The following FAM222B variants were observed in gnomAD, a reference collection of about 807,000 sequenced individuals.
FAM222B encodes the protein protein FAM222B.
In FAM222B, 12 loss-of-function variants were observed where a neutral mutation model predicts 38.0. The ratio of observed to expected loss-of-function variants is 0.32; its 90% CI spans 0.20 to 0.51. The LOEUF (loss-of-function observed/expected upper bound fraction) is 0.51. Among genes scored for constraint, FAM222B ranks in the 20% least tolerant of loss-of-function variants. The probability of loss-of-function intolerance (pLI) is 0.97; values close to 1 mark genes in which losing one functional copy is unlikely to be tolerated. For synonymous variants in FAM222B, 329 were observed against 317.2 expected (o/e 1.04, Z -0.40); for missense variants, 716 against 754.2 (o/e 0.95, Z 0.59).
chr17:28,793,145 A>G (rs1423893135), intron 1 of FAM222B, among the ~76,000 whole-genome samples: 1 of 152,068 alleles, frequency 6.6e-6, no homozygotes, highest in East Asian at 1.9e-4. Context: ...TATGTTGCCC[A>G]GGCTGGTCTT....
intron 1 of FAM222B, chr17:28,849,687 AAAG>A (rs1460652904): frequency 1.3e-5 from 2 of 152,092 alleles, no homozygotes; most frequent in African/African-American, 2.4e-5. Context: ...TTTCTACATT[AAAG>A]AAGAAGAAAA....
chr17:28,831,504 CTTTTTTTTTTTT>C (rs35692613), intron 1 of FAM222B, among the ~76,000 whole-genome samples: 1 of 110,882 alleles, frequency 9.0e-6, no homozygotes, highest in African/African-American at 3.4e-5. Flanking sequence ...TTGTCAAAGG[CTTTTTTTTTTTT>C]TTTTTTTTGA....
chr17:28,781,491 T>C (rs2036167385), intron 1 of FAM222B, among the ~76,000 whole-genome samples: 1 of 151,952 alleles, frequency 6.6e-6, no homozygotes, highest in South Asian at 2.1e-4. Flanking sequence ...CTCACAAAAC[T>C]GGAAACAGAA....
At chr17:28,837,683 C>T (rs1381540120) in intron 1 of FAM222B, among the ~76,000 whole-genome samples, 2 of 150,008 alleles carry the variant, frequency 1.3e-5, no homozygotes, top group South Asian at 4.2e-4. Flanking sequence ...GAGTCTCGCT[C>T]GCTGTTTCGC....
chr17:28,772,320 CATCTATTAAATCCTG>C (rs2035672252), intron 1 of FAM222B, among the ~76,000 whole-genome samples: 3 of 152,050 alleles, frequency 2.0e-5, no homozygotes, highest in Admixed American at 6.6e-5. Context: ...TGCAATCTCA[CATCTATTAAATCCTG>C]ATACCTGCAA....
intron 1 of FAM222B, among the ~76,000 whole-genome samples, chr17:28,829,540 T>TC (rs1221747444): frequency 6.6e-6 from 1 of 152,308 alleles, no homozygotes; most frequent in East Asian, 1.9e-4. Context: ...AGTTGAGTTT[T>TC]CCCCAGAACA....
intron 1 of FAM222B, among the ~76,000 whole-genome samples, chr17:28,823,517 C>A (rs1435903446): frequency 1.3e-5 from 2 of 152,162 alleles, no homozygotes; most frequent in Non-Finnish European, 2.9e-5. Context: ...ATACCTGGGA[C>A]TGCCATAGGC....
intron 1 of FAM222B, among the ~76,000 whole-genome samples, chr17:28,853,193 CAA>C (rs71359260): frequency 0.24 from 26,647 of 111,970 alleles, 2,526 homozygotes; most frequent in South Asian, 0.34. Context: ...AACTCTGTCT[CAA>C]AAAAAAAAAA....
At chr17:28,797,238 T>G (rs2036985254) in intron 1 of FAM222B, among the ~76,000 whole-genome samples, 1 of 151,996 alleles carries the variant, frequency 6.6e-6, no homozygotes, top group Non-Finnish European at 1.5e-5. Flanking sequence ...TCAACTGATC[T>G]GCCCACCTCA....
At chr17:28,800,865 A>AAT (rs1266160491) in intron 1 of FAM222B, among the ~76,000 whole-genome samples, 9 of 151,364 alleles carry the variant, frequency 5.9e-5, no homozygotes, top group Non-Finnish European at 8.8e-5. Flanking sequence ...AAAAAAAAAA[A>AAT]AAAAAAAAAG....
chr17:28,759,278 C>A lies in FAM222B; in HGVS notation c.681G>T (p.Leu227=). 6.2e-7 allele frequency: 1 copy of A among 1,613,146 alleles called. No homozygotes were observed. The highest frequency in any genetic ancestry group is 2.2e-5 in the East Asian group (1 of 44,852). Residue 227 remains leucine (L), a synonymous_variant, in exon 3 of 3, where the codon CTG becomes CTT. Coordinates refer to ENST00000581407, the MANE Select transcript of FAM222B (RefSeq NM_001077498.3). The surrounding 1 kb of genome is among the most constrained non-coding windows in gnomAD (Gnocchi z 4.8). ...AGTCTGGCATCTTCCGGCCTCCATGCAGCAAGGGATTGTGGGGGTGCTGGA... is the reference window on the plus strand; with the variant it reads ...AGTCTGGCATCTTCCGGCCTCCATGAAGCAAGGGATTGTGGGGGTGCTGGA... The part of the protein sequence containing the change: ...QGLQHPHNPL[L]HGGRKMPDSD...
intron 1 of FAM222B, among the ~76,000 whole-genome samples, chr17:28,768,741 C>T (rs1240788019): frequency 6.8e-6 from 1 of 147,950 alleles, no homozygotes; most frequent in African/African-American, 2.5e-5. Flanking sequence ...GAGGCTGAGG[C>T]AGGAGAACTG....
At chr17:28,811,011 A>C (rs2037734556) in intron 1 of FAM222B, among the ~76,000 whole-genome samples, 1 of 152,172 alleles carries the variant, frequency 6.6e-6, no homozygotes, top group East Asian at 1.9e-4. Context: ...CTGAACCTGT[A>C]TTACATAAAC....
chr17:28,792,138 C>G (rs2036721711), intron 1 of FAM222B, among the ~76,000 whole-genome samples: 1 of 150,904 alleles, frequency 6.6e-6, no homozygotes, highest in African/African-American at 2.4e-5. Context: ...GGTGAAACCC[C>G]GTCTCTACTA....
chr17:28,852,544 A>G (rs2039190038), intron 1 of FAM222B, among the ~76,000 whole-genome samples: 1 of 151,704 alleles, frequency 6.6e-6, no homozygotes, highest in African/African-American at 2.4e-5. Flanking sequence ...GGGAGGCTGA[A>G]GAGGGAGGAT....
intron 1 of FAM222B, among the ~76,000 whole-genome samples, chr17:28,787,070 G>A (rs969292695): frequency 6.6e-6 from 1 of 151,846 alleles, no homozygotes; most frequent in Non-Finnish European, 1.5e-5. Context: ...GACTACAGGC[G>A]CCCGCAACCA....
chr17:28,785,465 A>T (rs1376080143), intron 1 of FAM222B, among the ~76,000 whole-genome samples: 1 of 152,138 alleles, frequency 6.6e-6, no homozygotes, highest in African/African-American at 2.4e-5. Context: ...TATCCCTCTG[A>T]TTACACTATT....
intron 1 of FAM222B, among the ~76,000 whole-genome samples, chr17:28,814,090 G>T (rs564293771): frequency 7.9e-5 from 12 of 151,338 alleles, no homozygotes; most frequent in Non-Finnish European, 1.5e-4. Flanking sequence ...GTGGTAACTC[G>T]CACGGTAGTC....
At chr17:28,780,832 A>G (rs140499539) in intron 1 of FAM222B, among the ~76,000 whole-genome samples, 1 of 151,868 alleles carries the variant, frequency 6.6e-6, no homozygotes, top group Admixed American at 6.6e-5. Flanking sequence ...CAGTGAGCCG[A>G]GATCGCACCA....
Sources: gnomAD v4.1 joint callset for allele counts (sites outside exome capture counted in the v4.1 genomes callset) on GRCh38, gnomAD v4.1.1 for gene constraint, Gnocchi (gnomAD v3.1) non-coding constraint, MANE v1.5 for transcripts, NCBI Gene and HGNC (gene_info 2026-07-23, HGNC 2026-07-21) for gene names.